ERCC1: variants seen among roughly 807,000 people sequenced by gnomAD.
ERCC1 encodes ERCC excision repair 1, endonuclease non-catalytic subunit.
In ERCC1, 36 loss-of-function variants were observed where a neutral mutation model predicts 37.6. The ratio of observed to expected loss-of-function variants is 0.96; its 90% CI spans 0.73 to 1.26. The LOEUF is 1.26. Ranked by LOEUF, ERCC1 falls within the 50% of genes most tolerant of loss-of-function variation. The pLI, the probability that ERCC1 is intolerant of heterozygous loss-of-function variation, is 0.00. For synonymous variants in ERCC1, 156 were observed against 162.1 expected, an observed-to-expected ratio of 0.96 and a Z score of 0.28; for missense variants, 349 against 376.5, an observed-to-expected ratio of 0.93 and a Z score of 0.60.
chr19:45,413,984 C>T lies in ERCC1; in HGVS notation c.753G>A (p.Gln251=), dbSNP rs1424752289. 1.2e-6 allele frequency: 2 copies of T among 1,613,694 alleles called. No individual in the cohort carries two copies. Among genetic ancestry groups the T allele is most frequent in the African/African-American group, 2.7e-5 (2 of 74,846 alleles). The change falls in exon 8 of 10, where the codon CAG becomes CAA. Residue 251 remains glutamine, a synonymous_variant. Transcript: ENST00000300853. ...TVKSVNKTDS[Q]TLLTTFGSLE... is the part of the protein sequence containing the mutation. ...TTACTCCAAATGTGGTCAGGAGGGT[C>T]TGACTGTCCGTTTTGTTGACTGACT...
intron 1 of ERCC1, among the ~76,000 whole-genome samples, chr19:45,446,596 C>G (rs997258489): frequency 6.6e-6 from 1 of 152,158 alleles, no homozygotes; most frequent in African/African-American, 2.4e-5. Context: ...CCCACACACC[C>G]GAACATAACA....
chr19:45,429,023 C>T (rs1974772745), intron 1 of ERCC1: 1 of 152,274 alleles, frequency 6.6e-6, no homozygotes, highest in Admixed American at 6.5e-5. Context: ...CTAGCCCCTA[C>T]TCCGCGTCCT....
At chr19:45,442,990 A>C (rs1384058389) in intron 1 of ERCC1, among the ~76,000 whole-genome samples, 1 of 152,138 alleles carries the variant, frequency 6.6e-6, no homozygotes, top group African/African-American at 2.4e-5. Flanking sequence ...AACTGCCTTA[A>C]GACCAGCATC....
At chr19:45,442,026 G>T (rs1172969210) in intron 1 of ERCC1, among the ~76,000 whole-genome samples, 2 of 151,480 alleles carry the variant, frequency 1.3e-5, no homozygotes, top group Non-Finnish European at 2.9e-5. Context: ...ACTGTTTAGA[G>T]GCCAGGTGCG....
At chr19:45,442,434 A>G (rs1975146393) in intron 1 of ERCC1, among the ~76,000 whole-genome samples, 1 of 152,162 alleles carries the variant, frequency 6.6e-6, no homozygotes, top group African/African-American at 2.4e-5. Context: ...TTTTTTATGT[A>G]TCTTGGCCAG....
At chr19:45,441,317 G>A (rs1241258765) in intron 1 of ERCC1, among the ~76,000 whole-genome samples, 2 of 152,186 alleles carry the variant, frequency 1.3e-5, no homozygotes, top group Non-Finnish European at 1.5e-5. Context: ...CTAAGGTCTT[G>A]GGCCTGGCCC....
intron 1 of ERCC1, 57 bp downstream of exon 1, chr19:45,423,724 C>T (rs1974586970): frequency 4.3e-6 from 5 of 1,172,736 alleles, no homozygotes; most frequent in African/African-American, 1.5e-5. Flanking sequence ...CTCTCAGACT[C>T]GGCAATGATT....
At position 45,420,316 on chromosome 19, in the gene ERCC1, G is replaced by C. The variant is rs2123510648; in HGVS notation, c.425+8C>G. The stretch of plus-strand genomic sequence containing the variant: ...TCCTGAAGTCTGGGGTGGCGCCGCA[G>C]AGCTCACCTGAGGAACAGGGCACAG... On this transcript the variant is annotated splice_region_variant and intron_variant, in intron 4 of 9. Coordinates refer to ENST00000300853, the MANE Select transcript of ERCC1 (RefSeq NM_001983.4). This position sits in a 1 kb window ranked among gnomAD's most constrained non-coding sequence, Gnocchi z 4.8. 6.3e-7 allele frequency: 1 copy of C among 1,599,712 alleles called. No individual in the cohort carries two copies. Among genetic ancestry groups the C allele is most frequent in the Non-Finnish European group, 8.6e-7 (1 of 1,168,690 alleles).
At chr19:45,427,800 T>G (rs890166850), upstream of ERCC1, among the ~76,000 whole-genome samples, 1 of 152,126 alleles carries the variant, frequency 6.6e-6, no homozygotes, top group Admixed American at 6.5e-5. Context: ...CACAAGAGGA[T>G]TGGAAGTGTT....
upstream of ERCC1, among the ~76,000 whole-genome samples, chr19:45,425,970 A>C (rs1314240725): frequency 1.3e-5 from 2 of 150,700 alleles, no homozygotes; most frequent in Non-Finnish European, 2.9e-5. Flanking sequence ...TTTTCTGGGC[A>C]TGGTGGCTAA....
chr19:45,441,329 G>A (rs1477457477), intron 1 of ERCC1, among the ~76,000 whole-genome samples: 1 of 152,210 alleles, frequency 6.6e-6, no homozygotes, highest in African/African-American at 2.4e-5. Context: ...GCCTGGCCCT[G>A]ACCCTGCAGT....
upstream of ERCC1, among the ~76,000 whole-genome samples, chr19:45,428,083 C>CTTTTTTTTTTTTTTTTTTTTTTTT (rs5828235): frequency 8.6e-6 from 1 of 115,982 alleles, no homozygotes; most frequent in African/African-American, 3.8e-5. Flanking sequence ...TTCTTTCTTT[C>CTTTTTTTTTTTTTTTTTTTTTTTT]TTTTTTTTTT....
chr19:45,426,191 C>T (rs554551906), upstream of ERCC1, among the ~76,000 whole-genome samples: 36 of 151,898 alleles, frequency 2.4e-4, no homozygotes, highest in Non-Finnish European at 3.4e-4. Context: ...CCAGCCTGGC[C>T]AATATGGTGA....
At chr19:45,425,021 A>T (rs1272452282), upstream of ERCC1, among the ~76,000 whole-genome samples, 2 of 147,408 alleles carry the variant, frequency 1.4e-5, no homozygotes. Flanking sequence ...TCCCGGGTTC[A>T]AGCGATTCTC....
chr19:45,408,648 C>A lies in ERCC1; in HGVS notation c.*1027G>T, dbSNP rs1016165025. The A allele has an allele frequency of 1.2e-6, 2 of 1,613,644 alleles. No homozygotes were observed. The highest frequency in any genetic ancestry group is 2.7e-5 in the African/African-American group (2 of 74,874). Reference sequence around the variant, plus strand: ...CAGCAGCTGAAAGAACCAGAGGCAGCAGGGCCTGTGGGGACAGAGCCCACA... The same window carrying A: ...CAGCAGCTGAAAGAACCAGAGGCAGAAGGGCCTGTGGGGACAGAGCCCACA... On this transcript the variant is annotated 3_prime_UTR_variant, in exon 10 of 10. Transcript: ENST00000300853.
At chr19:45,417,634 G>T (rs1974144409) in intron 5 of ERCC1, among the ~76,000 whole-genome samples, 1 of 152,106 alleles carries the variant, frequency 6.6e-6, no homozygotes, top group Non-Finnish European at 1.5e-5. Flanking sequence ...GTCACACAGG[G>T]CCCCATAGGT....
In ERCC1 at chr19:45,407,826, C is replaced by T. The variant is rs984535155; in HGVS notation, c.*1849G>A. 14 of 276,004 alleles carry T rather than the reference C, an allele frequency of 5.1e-5. No homozygotes were observed. Among genetic ancestry groups the T allele is most frequent in the African/African-American group, 1.5e-4 (7 of 46,460 alleles). 17.1% of individuals were successfully genotyped at this position (276,004 alleles called of 1,614,324 possible). ...AATCCCATCCTTTGGGAGGCCGAGG[C>T]GAGCAGATCACTTGAGGTCAGGAGT... On this transcript the variant is annotated 3_prime_UTR_variant, in exon 10 of 10. Coordinates refer to ENST00000300853, the MANE Select transcript of ERCC1 (RefSeq NM_001983.4).
intron 9 of ERCC1, among the ~76,000 whole-genome samples, chr19:45,412,749 T>A (rs75881772): frequency 3.3e-5 from 5 of 151,188 alleles, no homozygotes; most frequent in African/African-American, 1.2e-4. Context: ...TTTTTTTTTT[T>A]AATTTTTGAG....
chr19:45,445,877 GTTAA>G (rs1344669126), intron 1 of ERCC1, among the ~76,000 whole-genome samples: 3 of 151,936 alleles, frequency 2.0e-5, no homozygotes, highest in African/African-American at 7.3e-5. Flanking sequence ...TTTCTTATTT[GTTAA>G]TTAATTTATT....
Sources: allele counts gnomAD v4.1 joint callset (sites outside exome capture counted in the v4.1 genomes callset), GRCh38; gene constraint gnomAD v4.1.1; non-coding constraint Gnocchi (gnomAD v3.1); transcripts MANE v1.5; gene names NCBI Gene and HGNC (gene_info 2026-07-23, HGNC 2026-07-21).